CDIN1: variants seen among roughly 807,000 people sequenced by gnomAD.
CDIN1 encodes CDAN1-interacting nuclease 1.
In CDIN1, 33 loss-of-function variants were observed where a neutral mutation model predicts 45.3. The observed-to-expected ratio is 0.73, with a 90% confidence interval of 0.55 to 0.97. The LOEUF (loss-of-function observed/expected upper bound fraction) is 0.97. Ranked by LOEUF, CDIN1 falls within the 50% of genes least tolerant of loss-of-function variation. The probability of loss-of-function intolerance (pLI) is 0.00; values close to 1 mark genes in which losing one functional copy is unlikely to be tolerated. For missense variants in CDIN1, 303 were observed against 339.4 expected, an observed-to-expected ratio of 0.89 and a Z score of 0.84; for synonymous variants, 118 against 124.4, an observed-to-expected ratio of 0.95 and a Z score of 0.34.
chr15:36,793,598 A>G (rs2054705596), intron 10 of CDIN1, among the ~76,000 whole-genome samples: 1 of 152,210 alleles, frequency 6.6e-6, no homozygotes, highest in South Asian at 2.1e-4. Flanking sequence ...AGAGTTCACT[A>G]AAGCTTATCC....
chr15:36,625,104 C>T (rs769122228), intron 1 of CDIN1, among the ~76,000 whole-genome samples: 4 of 151,840 alleles, frequency 2.6e-5, no homozygotes, highest in East Asian at 3.9e-4. Flanking sequence ...AGTGAAACCC[C>T]GTCTCTACTA....
At chr15:36,716,051 G>A (rs2043206139) in intron 10 of CDIN1, among the ~76,000 whole-genome samples, 1 of 152,112 alleles carries the variant, frequency 6.6e-6, no homozygotes, top group East Asian at 1.9e-4. Flanking sequence ...TCGTAATAAG[G>A]AGACAATTGT....
intron 1 of CDIN1, chr15:36,618,860 A>G: frequency 1.1e-6 from 1 of 943,440 alleles, no homozygotes; most frequent in Non-Finnish European, 1.8e-6. Flanking sequence ...AAGTACTACA[A>G]AGCCATGGAG....
chr15:36,623,060 T>A (rs934719095), intron 1 of CDIN1, among the ~76,000 whole-genome samples: 1 of 152,228 alleles, frequency 6.6e-6, no homozygotes, highest in African/African-American at 2.4e-5. Context: ...TATAAAATTT[T>A]GCATTTTTTT....
chr15:36,691,860 C>G (rs2042263930), intron 6 of CDIN1, 96 bp downstream of exon 6: 2 of 1,016,560 alleles, frequency 2.0e-6, no homozygotes, highest in South Asian at 1.5e-5. Context: ...TCATCATAAA[C>G]TATCACTGAG....
chr15:36,801,597 T>G (rs900286847), intron 10 of CDIN1, among the ~76,000 whole-genome samples: 6 of 152,178 alleles, frequency 3.9e-5, no homozygotes, highest in Admixed American at 6.5e-5. Flanking sequence ...CAGCTGTTTA[T>G]TTCCATTTAT....
chr15:36,673,788 A>T (rs1213367942), intron 5 of CDIN1, among the ~76,000 whole-genome samples: 1 of 152,120 alleles, frequency 6.6e-6, no homozygotes, highest in African/African-American at 2.4e-5. Context: ...AAAGGCTTCC[A>T]CATTTGAACA....
At chr15:36,740,242 T>C (rs1158855542) in intron 10 of CDIN1, among the ~76,000 whole-genome samples, 1 of 152,174 alleles carries the variant, frequency 6.6e-6, no homozygotes, top group East Asian at 1.9e-4. Flanking sequence ...TGGAATGCCC[T>C]CTTGGACTCT....
chr15:36,746,809 A>G (rs945171978), intron 10 of CDIN1: 22 of 241,524 alleles, frequency 9.1e-5, no homozygotes, highest in Admixed American at 1.6e-4. Context: ...GCCCAGGACT[A>G]TGGCTCACTG....
At chr15:36,614,561 A>G (rs1199995666) in intron 1 of CDIN1, among the ~76,000 whole-genome samples, 1 of 152,218 alleles carries the variant, frequency 6.6e-6, no homozygotes, top group Non-Finnish European at 1.5e-5. Context: ...TGAAGCAGCA[A>G]TCTAATCCCT....
chr15:36,677,994 G>C (rs564835142), intron 5 of CDIN1, among the ~76,000 whole-genome samples: 116 of 152,298 alleles, frequency 7.6e-4, no homozygotes, highest in Middle Eastern at 3.4e-3. Flanking sequence ...ATGCTTTGGA[G>C]ATATCTTCCT....
intron 10 of CDIN1, among the ~76,000 whole-genome samples, chr15:36,711,859 G>A (rs923278700): frequency 6.6e-6 from 1 of 152,112 alleles, no homozygotes; most frequent in Non-Finnish European, 1.5e-5. Flanking sequence ...GAACTTTGGG[G>A]TATTTACTTA....
rs531465733 is a variant in CDIN1 at position 36,691,125 on chromosome 15, C to T, written c.347-560C>T. The T allele has an allele frequency of 1.5e-5, 8 of 517,398 alleles. No individual in the cohort carries two copies. The East Asian group carries it at 2.7e-4, about 18-fold the overall frequency. 32.1% of individuals were successfully genotyped at this position (517,398 alleles called of 1,614,324 possible). ...TTCAGTCAGTTTTACCTACTTTCCT[C>T]ACTTGTGGAATGGAGATAGGATTTT... On this transcript the variant is annotated intron_variant, in intron 5 of 10. Coordinates refer to ENST00000566621, the MANE Select transcript of CDIN1 (RefSeq NM_001321759.2).
chr15:36,703,796 G>T (rs1595495625), intron 8 of CDIN1, among the ~76,000 whole-genome samples: 1 of 152,202 alleles, frequency 6.6e-6, no homozygotes, highest in Middle Eastern at 3.4e-3. Context: ...ATTGAGATTG[G>T]TTCGGCGACA....
intron 10 of CDIN1, among the ~76,000 whole-genome samples, chr15:36,756,355 T>C (rs145569206): frequency 1.3e-5 from 2 of 152,352 alleles, no homozygotes; most frequent in East Asian, 3.9e-4. Context: ...ATTTCATATG[T>C]TGGTGTTTTA....
intron 1 of CDIN1, chr15:36,618,169 T>C: frequency 1.4e-6 from 1 of 703,654 alleles, no homozygotes; most frequent in Non-Finnish European, 2.6e-6. Flanking sequence ...AAAGACATGC[T>C]ACTGCTATGA....
intron 10 of CDIN1, among the ~76,000 whole-genome samples, chr15:36,763,533 G>A (rs2053832701): frequency 6.6e-6 from 1 of 152,124 alleles, no homozygotes; most frequent in African/African-American, 2.4e-5. Context: ...AACCCAAGGT[G>A]TCAAAACAAT....
chr15:36,664,807 A>G (rs1247647282), intron 5 of CDIN1, among the ~76,000 whole-genome samples: 3 of 152,176 alleles, frequency 2.0e-5, no homozygotes, highest in Non-Finnish European at 2.9e-5. Context: ...TGGCCTCCCA[A>G]AGTGCTGGGA....
At chr15:36,783,276 G>A (rs149348417) in intron 10 of CDIN1, among the ~76,000 whole-genome samples, 9 of 151,986 alleles carry the variant, frequency 5.9e-5, no homozygotes, top group Admixed American at 2.0e-4. Context: ...GGTCCCAGCC[G>A]CACACCAGCA....
Sources: gnomAD v4.1 joint callset for allele counts (sites outside exome capture counted in the v4.1 genomes callset) on GRCh38, gnomAD v4.1.1 for gene constraint, MANE v1.5 for transcripts, NCBI Gene and HGNC (gene_info 2026-07-23, HGNC 2026-07-21) for gene names.